The following SHTN1 variants were observed in gnomAD, a reference collection of about 807,000 sequenced individuals.
The protein encoded by SHTN1 is shootin 1.
A neutral mutation model predicts 83.1 loss-of-function variants in SHTN1; 42 were observed. The observed-to-expected ratio is 0.51, with a 90% CI of 0.39 to 0.65. The LOEUF (loss-of-function observed/expected upper bound fraction) is 0.65, where lower values mean the gene tolerates loss of function less well. Ranked by LOEUF, SHTN1 falls within the 30% of genes least tolerant of loss-of-function variation. The pLI, the probability that SHTN1 is intolerant of heterozygous loss-of-function variation, is 0.00. For missense variants in SHTN1, 622 were observed against 737.8 expected (o/e 0.84, Z 1.82); for synonymous variants, 224 against 247.7 (o/e 0.90, Z 0.90).
intron 1 of SHTN1, among the ~76,000 whole-genome samples, chr10:116,992,584 T>G (rs1016425134): frequency 1.6e-4 from 24 of 152,204 alleles, no homozygotes; most frequent in African/African-American, 5.5e-4. Flanking sequence ...TCTGTTTTTT[T>G]GTGAAAATTT....
intron 2 of SHTN1, among the ~76,000 whole-genome samples, chr10:116,970,587 G>A (rs1035102846): frequency 7.9e-5 from 12 of 151,830 alleles, no homozygotes; most frequent in East Asian, 3.9e-4. Context: ...GGTGGCACAC[G>A]CCTGTACTCC....
chr10:117,008,442 G>A (rs1303746353), upstream of SHTN1, among the ~76,000 whole-genome samples: 1 of 152,018 alleles, frequency 6.6e-6, no homozygotes, highest in Non-Finnish European at 1.5e-5. Context: ...ATCCTAAAAG[G>A]CTTATGTACA....
At chr10:116,938,696 G>A (rs535646374) in intron 9 of SHTN1, among the ~76,000 whole-genome samples, 123 of 152,348 alleles carry the variant, frequency 8.1e-4, no homozygotes, top group African/African-American at 2.3e-3. Context: ...CAAGCGCTGC[G>A]CTGGGAAATC....
chr10:116,975,067 C>T (rs1465687027), intron 2 of SHTN1, among the ~76,000 whole-genome samples: 2 of 152,118 alleles, frequency 1.3e-5, no homozygotes, highest in African/African-American at 4.8e-5. Flanking sequence ...TTTTCACATA[C>T]TGCTAAGTCC....
intron 10 of SHTN1, among the ~76,000 whole-genome samples, chr10:116,929,459 A>G (rs1848868892): frequency 2.0e-5 from 3 of 152,220 alleles, no homozygotes; most frequent in Non-Finnish European, 4.4e-5. Context: ...AAAGATGAAG[A>G]CAGTATTTTT....
At chr10:117,023,200 C>G (rs1852287323) in intron 2 of SHTN1, among the ~76,000 whole-genome samples, 1 of 152,132 alleles carries the variant, frequency 6.6e-6, no homozygotes, top group Non-Finnish European at 1.5e-5. Context: ...TTTAGGCTTA[C>G]AAAAATAAGT....
chr10:116,961,319 T>G (rs1213725279), intron 3 of SHTN1, among the ~76,000 whole-genome samples: 1 of 151,952 alleles, frequency 6.6e-6, no homozygotes. Flanking sequence ...CTGTCCAAAG[T>G]TCTTATTATG....
In SHTN1 at chr10:116,881,670, G is replaced by A; in HGVS notation, c.*4674C>T. On this transcript the variant is annotated 3_prime_UTR_variant, in exon 17 of 17. Coordinates refer to ENST00000355371, the MANE Select transcript of SHTN1 (RefSeq NM_001127211.3). ...CGAAACAGGAGCATCCTCTGGATAGGGCTGTACACACCCCAGGTTCCAGCC... is the reference window on the plus strand; with the variant it reads ...CGAAACAGGAGCATCCTCTGGATAGAGCTGTACACACCCCAGGTTCCAGCC... 1 of 1,513,282 alleles carries A rather than the reference G, an allele frequency of 6.6e-7. No homozygotes were observed. Among genetic ancestry groups the A allele is most frequent in the Non-Finnish European group, 8.9e-7 (1 of 1,127,954 alleles). The allele number at this position is 1,513,282 out of a possible 1,614,324, so 93.7% of individuals were successfully genotyped here.
intron 2 of SHTN1, among the ~76,000 whole-genome samples, chr10:116,969,539 G>A (rs974242754): frequency 6.6e-6 from 1 of 152,154 alleles, no homozygotes; most frequent in African/African-American, 2.4e-5. Context: ...CGGAATAGAG[G>A]AAGGTACCAA....
chr10:116,943,021 A>C (rs964849149), intron 8 of SHTN1, among the ~76,000 whole-genome samples: 1 of 152,224 alleles, frequency 6.6e-6, no homozygotes, highest in Non-Finnish European at 1.5e-5. Context: ...CTATTTTTTA[A>C]AAAAAAGTTT....
chr10:117,032,305 G>A (rs542318414), intron 2 of SHTN1, among the ~76,000 whole-genome samples: 33 of 152,188 alleles, frequency 2.2e-4, no homozygotes, highest in Non-Finnish European at 4.0e-4. Context: ...CTGGGTTCAC[G>A]CCATTCTCCT....
chr10:117,027,423 C>A (rs1449547577), intron 2 of SHTN1, among the ~76,000 whole-genome samples: 1 of 152,182 alleles, frequency 6.6e-6, no homozygotes, highest in African/African-American at 2.4e-5. Context: ...ATACCAGCAT[C>A]ATGCTTCCTG....
chr10:116,915,134 A>G (rs1042214301), intron 13 of SHTN1, among the ~76,000 whole-genome samples: 3 of 152,202 alleles, frequency 2.0e-5, no homozygotes, highest in Non-Finnish European at 2.9e-5. Context: ...AGTTCGTATC[A>G]CTGTCTCTCG....
intron 1 of SHTN1, among the ~76,000 whole-genome samples, chr10:117,096,553 G>A (rs1853505538): frequency 6.6e-6 from 1 of 152,188 alleles, no homozygotes; most frequent in African/African-American, 2.4e-5. Flanking sequence ...ATACAATATA[G>A]ACCAACATTC....
At chr10:117,027,504 T>TC (rs1852349182) in intron 2 of SHTN1, among the ~76,000 whole-genome samples, 1 of 150,494 alleles carries the variant, frequency 6.6e-6, no homozygotes, top group Admixed American at 6.6e-5. Flanking sequence ...AGGCATTTCT[T>TC]TTTTTTTCTT....
At chr10:116,919,096 G>C (rs1037278231) in intron 12 of SHTN1, among the ~76,000 whole-genome samples, 1 of 152,158 alleles carries the variant, frequency 6.6e-6, no homozygotes, top group Non-Finnish European at 1.5e-5. Context: ...GCTAACCTAA[G>C]AAAGAAAACA....
intron 3 of SHTN1, among the ~76,000 whole-genome samples, chr10:116,965,997 T>C (rs1393051641): frequency 6.6e-6 from 1 of 152,026 alleles, no homozygotes; most frequent in Admixed American, 6.6e-5. Context: ...TCTTAGTCCT[T>C]ATTTTTTTTG....
chr10:116,973,963 C>A (rs1850705929), intron 2 of SHTN1: 1 of 1,230,564 alleles, frequency 8.1e-7, no homozygotes, highest in Non-Finnish European at 1.1e-6. Context: ...ACTGTGCTTT[C>A]TGGATTTCTA....
intron 1 of SHTN1, among the ~76,000 whole-genome samples, chr10:117,069,354 A>C (rs1383156081): frequency 6.6e-6 from 1 of 152,142 alleles, no homozygotes; most frequent in African/African-American, 2.4e-5. Context: ...GAAGTGAGGA[A>C]GAGGTGAAAG....
Sources: allele counts gnomAD v4.1 joint callset (sites outside exome capture counted in the v4.1 genomes callset), GRCh38; gene constraint gnomAD v4.1.1; transcripts MANE v1.5; gene names NCBI Gene and HGNC (gene_info 2026-07-23, HGNC 2026-07-21).